The following STX8 variants were observed in gnomAD, a reference collection of about 807,000 sequenced individuals.
STX8 encodes syntaxin 8.
STX8 carries 23 observed loss-of-function variants against 37.5 expected under a neutral mutation model. The ratio of observed to expected loss-of-function variants is 0.61; its 90% CI spans 0.44 to 0.87. The LOEUF (loss-of-function observed/expected upper bound fraction) is 0.87, where lower values mean the gene tolerates loss of function less well. Among genes scored for constraint, STX8 ranks in the 40% least tolerant of loss-of-function variants. The pLI, the probability that STX8 is intolerant of heterozygous loss-of-function variation, is 0.00. For synonymous variants in STX8, 115 were observed against 99.1 expected, an observed-to-expected ratio of 1.16 and a Z score of -0.95; for missense variants, 313 against 284.7, an observed-to-expected ratio of 1.10 and a Z score of -0.71.
chr17:9,420,284 TG>T (rs1314519774), intron 6 of STX8, among the ~76,000 whole-genome samples: 8 of 152,332 alleles, frequency 5.3e-5, no homozygotes, highest in Admixed American at 2.0e-4. Flanking sequence ...CCTGAACCTC[TG>T]CAGTTCTCTT....
intron 7 of STX8, among the ~76,000 whole-genome samples, chr17:9,256,611 CA>C (rs1346872496): frequency 6.6e-6 from 1 of 152,166 alleles, no homozygotes; most frequent in Non-Finnish European, 1.5e-5. Context: ...ACAAATATTT[CA>C]GTAAGTATCA....
chr17:9,335,832 G>GACACACAA, intron 7 of STX8, among the ~76,000 whole-genome samples: 1 of 147,846 alleles, frequency 6.8e-6, no homozygotes, highest in Admixed American at 6.7e-5. Flanking sequence ...CACACACGTA[G>GACACACAA]ACACACACAC....
intron 6 of STX8, among the ~76,000 whole-genome samples, chr17:9,455,644 A>C (rs966543951): frequency 1.3e-5 from 2 of 152,258 alleles, no homozygotes; most frequent in African/African-American, 4.8e-5. Context: ...CAATGCAATA[A>C]GAATTTTTAA....
At chr17:9,459,475 C>A (rs1905287043) in intron 6 of STX8, among the ~76,000 whole-genome samples, 1 of 152,214 alleles carries the variant, frequency 6.6e-6, no homozygotes, top group South Asian at 2.1e-4. Context: ...AGAAGCGTAT[C>A]TTGTGTACCA....
intron 7 of STX8, among the ~76,000 whole-genome samples, chr17:9,292,574 T>C (rs964067157): frequency 1.3e-5 from 2 of 152,234 alleles, no homozygotes; most frequent in Non-Finnish European, 2.9e-5. Flanking sequence ...TGCTAATGGC[T>C]AATCTCGAGC....
At chr17:9,470,840 C>T (rs1185454951) in intron 6 of STX8, among the ~76,000 whole-genome samples, 1 of 151,714 alleles carries the variant, frequency 6.6e-6, no homozygotes, top group Non-Finnish European at 1.5e-5. Flanking sequence ...CATTCTCCTG[C>T]CTCAGCCTCC....
rs982139490 is a variant in STX8 at position 9,507,201 on chromosome 17, C to G, written c.324-2039G>C. Among the ~76,000 whole-genome samples the G allele has an allele frequency of 3.9e-5, 6 of 152,080 alleles. No homozygotes were observed. The highest frequency in any genetic ancestry group is 5.9e-5 in the Non-Finnish European group (4 of 68,016). On this transcript the variant is annotated intron_variant, in intron 4 of 7. Transcript: ENST00000306357. This position sits in a 1 kb window ranked among gnomAD's most constrained non-coding sequence, Gnocchi z 4.0. ...CAGTGCAGCCCCCTACAGACATGCCCCCGGCCTGCCCAAAGGCCCCACACC... is the reference window on the plus strand; with the variant it reads ...CAGTGCAGCCCCCTACAGACATGCCGCCGGCCTGCCCAAAGGCCCCACACC...
At chr17:9,425,983 TATA>T (rs1249474340) in intron 6 of STX8, among the ~76,000 whole-genome samples, 1 of 152,160 alleles carries the variant, frequency 6.6e-6, no homozygotes, top group South Asian at 2.1e-4. Context: ...TCCTTCATCC[TATA>T]ATAACTGTCT....
chr17:9,349,061 G>A (rs1482924710), intron 7 of STX8, among the ~76,000 whole-genome samples: 2 of 152,016 alleles, frequency 1.3e-5, no homozygotes, highest in African/African-American at 4.8e-5. Flanking sequence ...GCACAATCTC[G>A]GCTCACTGCA....
intron 7 of STX8, among the ~76,000 whole-genome samples, chr17:9,345,953 G>A (rs1231610938): frequency 1.4e-5 from 2 of 143,062 alleles, no homozygotes; most frequent in East Asian, 2.2e-4. Flanking sequence ...CTGGGTTCAA[G>A]TGATTCTCCT....
At chr17:9,411,402 G>A (rs960541327) in intron 6 of STX8, among the ~76,000 whole-genome samples, 5 of 152,148 alleles carry the variant, frequency 3.3e-5, no homozygotes, top group African/African-American at 1.2e-4. Flanking sequence ...TCTGAAAAAA[G>A]CCTTTGTTGT....
At chr17:9,290,823 C>A (rs911561800) in intron 7 of STX8, among the ~76,000 whole-genome samples, 9 of 152,168 alleles carry the variant, frequency 5.9e-5, no homozygotes, top group African/African-American at 2.2e-4. Flanking sequence ...CACATTGCCA[C>A]CCAGTCCAGG....
chr17:9,538,962 G>A (rs1597730700), intron 4 of STX8, among the ~76,000 whole-genome samples: 2 of 152,044 alleles, frequency 1.3e-5, no homozygotes, highest in South Asian at 4.1e-4. Context: ...CAGAAGCTGT[G>A]TCACTGCTTT....
At chr17:9,494,206 G>A (rs190990461) in intron 5 of STX8, among the ~76,000 whole-genome samples, 6 of 151,776 alleles carry the variant, frequency 4.0e-5, no homozygotes, top group Admixed American at 6.5e-5. Flanking sequence ...TAATAGAGAC[G>A]GGGTTTCACC....
At chr17:9,297,753 G>C (rs541360743) in intron 7 of STX8, among the ~76,000 whole-genome samples, 1 of 152,284 alleles carries the variant, frequency 6.6e-6, no homozygotes, top group African/African-American at 2.4e-5. Flanking sequence ...GCACACACCT[G>C]TAGTCCCAGC....
intron 6 of STX8, among the ~76,000 whole-genome samples, chr17:9,416,235 G>T (rs1029623732): frequency 6.6e-6 from 1 of 152,220 alleles, no homozygotes; most frequent in Non-Finnish European, 1.5e-5. Context: ...GGGTGAAACT[G>T]CCTTGCAAAG....
intron 7 of STX8, among the ~76,000 whole-genome samples, chr17:9,295,987 G>A (rs889174381): frequency 9.2e-5 from 14 of 151,964 alleles, no homozygotes; most frequent in Non-Finnish European, 1.5e-5. Context: ...TCAGGAGATT[G>A]AGACCATCCT....
At chr17:9,551,721 A>C (rs2151913872) in intron 3 of STX8, among the ~76,000 whole-genome samples, 1 of 152,312 alleles carries the variant, frequency 6.6e-6, no homozygotes. Flanking sequence ...CCTACATTAC[A>C]GATAATGAAA....
chr17:9,441,007 T>A lies in STX8; in HGVS notation c.541+50822A>T, dbSNP rs553979356. On this transcript the variant is annotated intron_variant, in intron 6 of 7. Coordinates refer to ENST00000306357, the MANE Select transcript of STX8 (RefSeq NM_004853.3). Reference sequence around the variant, plus strand: ...TCCAGCTCCCAGGGGTTGACTCCACTCCTGTGCCTCATCCTTTCTCACATG... The same window carrying A: ...TCCAGCTCCCAGGGGTTGACTCCACACCTGTGCCTCATCCTTTCTCACATG... 5.3e-5 allele frequency among the ~76,000 whole-genome samples: 8 copies of A among 152,232 alleles called. No individual in the cohort carries two copies. The South Asian group carries it at 1.4e-3, about 28-fold the overall frequency.
Sources: gnomAD v4.1 joint callset for allele counts (sites outside exome capture counted in the v4.1 genomes callset) on GRCh38, gnomAD v4.1.1 for gene constraint, Gnocchi (gnomAD v3.1) non-coding constraint, MANE v1.5 for transcripts, NCBI Gene and HGNC (gene_info 2026-07-23, HGNC 2026-07-21) for gene names.